The following TMEM217B variants were observed in gnomAD, a reference collection of about 807,000 sequenced individuals.
TMEM217B encodes transmembrane protein 217B, also known as putative transmembrane protein 217B.
At chr6:37,231,819 G>T in the TMEM217B span, among the ~76,000 whole-genome samples, 1 of 148,272 alleles carries the variant, frequency 6.7e-6, no homozygotes, top group Non-Finnish European at 1.5e-5. Flanking sequence ...TTCAGGAAAT[G>T]GGGCTACTCT....
chr6:37,245,396 C>T, the TMEM217B span, among the ~76,000 whole-genome samples: 1 of 152,332 alleles, frequency 6.6e-6, no homozygotes, highest in Non-Finnish European at 1.5e-5. Context: ...CTGGCATTGC[C>T]CATTAGTGGA....
At chr6:37,226,922 C>A in the TMEM217B span, among the ~76,000 whole-genome samples, 3 of 152,154 alleles carry the variant, frequency 2.0e-5, no homozygotes, top group Non-Finnish European at 4.4e-5. Flanking sequence ...TGTCTTATGA[C>A]ATATTTTATT....
chr6:37,243,294 G>A, the TMEM217B span, among the ~76,000 whole-genome samples: 2 of 152,168 alleles, frequency 1.3e-5, no homozygotes, highest in Non-Finnish European at 2.9e-5. Context: ...TAAGGTTTAC[G>A]TTTTCCAGCT....
chr6:37,232,487 G>A, the TMEM217B span, among the ~76,000 whole-genome samples: 1 of 152,140 alleles, frequency 6.6e-6, no homozygotes, highest in African/African-American at 2.4e-5. Context: ...CGGGGTTCAC[G>A]CCATTCTCCT....
the TMEM217B span, chr6:37,218,507 A>C: frequency 6.2e-7 from 1 of 1,614,104 alleles, no homozygotes; most frequent in Non-Finnish European, 8.5e-7. Context: ...TCTGCTGTGG[A>C]GAATCTCCGC....
At chr6:37,216,747 G>C in the TMEM217B span, among the ~76,000 whole-genome samples, 2 of 152,228 alleles carry the variant, frequency 1.3e-5, no homozygotes, top group South Asian at 4.1e-4. Context: ...TAAAAGATGG[G>C]GCCTTTAGGA....
chr6:37,221,292 T>G, the TMEM217B span, among the ~76,000 whole-genome samples: 5 of 152,054 alleles, frequency 3.3e-5, no homozygotes, highest in South Asian at 1.0e-3. Context: ...GTTCAAGCGA[T>G]TCTCGTGCCT....
chr6:37,242,262 T>G, the TMEM217B span, among the ~76,000 whole-genome samples: 1 of 152,226 alleles, frequency 6.6e-6, no homozygotes, highest in East Asian at 1.9e-4. Context: ...CTCTGGGGTC[T>G]GGGAGAGAGT....
At chr6:37,219,149 A>T in the TMEM217B span, 7 of 999,432 alleles carry the variant, frequency 7.0e-6, no homozygotes, top group African/African-American at 1.6e-5. Flanking sequence ...TATAGACAGA[A>T]ATACGAAAAC....
the TMEM217B span, among the ~76,000 whole-genome samples, chr6:37,236,921 C>T: frequency 6.6e-6 from 1 of 152,170 alleles, no homozygotes; most frequent in African/African-American, 2.4e-5. Flanking sequence ...AGTTGGAGGC[C>T]TCAGTGCCCA....
chr6:37,228,898 G>A, the TMEM217B span, among the ~76,000 whole-genome samples: 4 of 151,744 alleles, frequency 2.6e-5, no homozygotes, highest in South Asian at 8.3e-4. Flanking sequence ...TCAGGAGGCC[G>A]AGGCAGGAGA....
chr6:37,254,933 T>A, the TMEM217B span, among the ~76,000 whole-genome samples: 1 of 151,926 alleles, frequency 6.6e-6, no homozygotes. Flanking sequence ...TCATAAGGAG[T>A]GCGCAATGCA....
At chr6:37,237,810 A>G in the TMEM217B span, among the ~76,000 whole-genome samples, 3 of 152,202 alleles carry the variant, frequency 2.0e-5, no homozygotes, top group Non-Finnish European at 4.4e-5. Context: ...TTCTCTATAT[A>G]TATACACACA....
chr6:37,212,987 A>G, the TMEM217B span: 12 of 1,540,546 alleles, frequency 7.8e-6, no homozygotes, highest in African/African-American at 1.5e-4. Context: ...TTGTTTTACC[A>G]GAGCACCTCC....
At chr6:37,241,408 G>C in the TMEM217B span, among the ~76,000 whole-genome samples, 1 of 152,196 alleles carries the variant, frequency 6.6e-6, no homozygotes, top group East Asian at 1.9e-4. Context: ...CCTCAAAAGC[G>C]ACATCTCAGC....
the TMEM217B span, among the ~76,000 whole-genome samples, chr6:37,238,220 T>C: frequency 3.7e-4 from 56 of 150,796 alleles, 1 homozygote; most frequent in East Asian, 0.011. Flanking sequence ...GCTGTGAAGA[T>C]TAAATGAGTT....
the TMEM217B span, among the ~76,000 whole-genome samples, chr6:37,238,309 A>C: frequency 3.9e-5 from 6 of 152,206 alleles, no homozygotes; most frequent in Non-Finnish European, 8.8e-5. Context: ...TATTTTTGTT[A>C]TCATTATTTT....
At chr6:37,234,207 C>A in the TMEM217B span, among the ~76,000 whole-genome samples, 1 of 150,076 alleles carries the variant, frequency 6.7e-6, no homozygotes, top group Non-Finnish European at 1.5e-5. Context: ...TTGAATGATT[C>A]TCCTGCCTCA....
chr6:37,247,779 T>C, the TMEM217B span, among the ~76,000 whole-genome samples: 4 of 152,172 alleles, frequency 2.6e-5, no homozygotes, highest in South Asian at 2.1e-4. Flanking sequence ...CCTGTAAGTG[T>C]TGAAGGAGCT....
Sources: gnomAD v4.1 joint callset for allele counts (sites outside exome capture counted in the v4.1 genomes callset) on GRCh38, gnomAD v4.1.1 for gene constraint, MANE v1.5 for transcripts, NCBI Gene and HGNC (gene_info 2026-07-23, HGNC 2026-07-21) for gene names.